The following GLIS3 variants were observed in gnomAD, a reference collection of about 807,000 sequenced individuals.
GLIS3 encodes zinc finger protein GLIS3.
A neutral mutation model predicts 78.6 loss-of-function variants in GLIS3; 53 were observed. The observed-to-expected ratio is 0.67, with a 90% CI of 0.54 to 0.85. The LOEUF is 0.85. Among genes scored for constraint, GLIS3 ranks in the 40% least tolerant of loss-of-function variants. The pLI is 0.00. For missense variants in GLIS3, 1,703 were observed against 1,231.1 expected (o/e 1.38, Z -5.74); for synonymous variants, 684 against 509.9 (o/e 1.34, Z -4.60).
intron 4 of GLIS3, among the ~76,000 whole-genome samples, chr9:3,993,965 C>G (rs764013842): frequency 6.6e-6 from 1 of 152,160 alleles, no homozygotes; most frequent in African/African-American, 2.4e-5. Flanking sequence ...CAGGAGCAGT[C>G]ATTTCTAACC....
At chr9:4,328,497 C>T (rs749771796) in intron 2 of GLIS3, among the ~76,000 whole-genome samples, 2 of 152,206 alleles carry the variant, frequency 1.3e-5, no homozygotes, top group Admixed American at 6.5e-5. Context: ...TGTGGCTCTG[C>T]CCTAAACCAT....
intron 4 of GLIS3, among the ~76,000 whole-genome samples, chr9:4,049,711 TA>T (rs1381234958): frequency 6.6e-6 from 1 of 152,138 alleles, no homozygotes; most frequent in East Asian, 1.9e-4. Context: ...GACAAAGGAC[TA>T]ATATCCAGAA....
intron 8 of GLIS3, among the ~76,000 whole-genome samples, chr9:3,869,264 AG>A (rs1376211443): frequency 1.2e-4 from 3 of 24,482 alleles, no homozygotes; most frequent in East Asian, 2.9e-3. Flanking sequence ...AAAATTATCT[AG>A]GGTGTGTGTG....
At chr9:4,106,791 A>T (rs985448433) in intron 4 of GLIS3, among the ~76,000 whole-genome samples, 5 of 152,170 alleles carry the variant, frequency 3.3e-5, no homozygotes, top group African/African-American at 1.2e-4. Flanking sequence ...TTCATCTATA[A>T]CCTTGCCCTT....
chr9:3,971,392 A>G (rs1325820192), intron 4 of GLIS3, among the ~76,000 whole-genome samples: 1 of 152,194 alleles, frequency 6.6e-6, no homozygotes, highest in Non-Finnish European at 1.5e-5. Context: ...TTAAAAGAAA[A>G]AGTCATTATC....
At chr9:4,338,734 G>A (rs1817791686) in intron 2 of GLIS3, among the ~76,000 whole-genome samples, 2 of 152,160 alleles carry the variant, frequency 1.3e-5, no homozygotes, top group Non-Finnish European at 2.9e-5. Flanking sequence ...CATGGGAGAA[G>A]GAGCTGCAAG....
chr9:4,215,862 T>C (rs950069544), intron 2 of GLIS3, among the ~76,000 whole-genome samples: 2 of 152,212 alleles, frequency 1.3e-5, no homozygotes, highest in Non-Finnish European at 2.9e-5. Context: ...GCACACTCAG[T>C]AGTTTTCAAT....
chr9:4,199,972 G>A (rs1262569242), intron 2 of GLIS3, among the ~76,000 whole-genome samples: 1 of 152,126 alleles, frequency 6.6e-6, no homozygotes, highest in Non-Finnish European at 1.5e-5. Context: ...TTGGACCACA[G>A]TGGAATAAAA....
chr9:4,414,478 T>C, the GLIS3 span, among the ~76,000 whole-genome samples: 1 of 152,218 alleles, frequency 6.6e-6, no homozygotes, highest in Non-Finnish European at 1.5e-5. Context: ...GTCTCAGTGA[T>C]ATTGGGGTGG....
the GLIS3 span, among the ~76,000 whole-genome samples, chr9:4,371,213 C>T: frequency 6.6e-6 from 1 of 152,248 alleles, no homozygotes; most frequent in South Asian, 2.1e-4. Flanking sequence ...AACACAATTT[C>T]CATCGGCTGA....
At chr9:3,912,389 C>T (rs1469673339) in intron 6 of GLIS3, among the ~76,000 whole-genome samples, 1 of 152,060 alleles carries the variant, frequency 6.6e-6, no homozygotes, top group Non-Finnish European at 1.5e-5. Flanking sequence ...CAGTGTTCAC[C>T]CTCTTGGAAG....
chr9:4,431,669 A>C, the GLIS3 span, among the ~76,000 whole-genome samples: 1 of 152,106 alleles, frequency 6.6e-6, no homozygotes, highest in Non-Finnish European at 1.5e-5. Context: ...ACATGGTGAA[A>C]TCCCATCTCT....
At chr9:4,076,775 G>A (rs574630961) in intron 4 of GLIS3, among the ~76,000 whole-genome samples, 1 of 152,098 alleles carries the variant, frequency 6.6e-6, no homozygotes, top group Non-Finnish European at 1.5e-5. Flanking sequence ...TAAATTTTTT[G>A]GCTGGGCACA....
intron 2 of GLIS3, among the ~76,000 whole-genome samples, chr9:4,142,258 T>C (rs987749536): frequency 1.3e-5 from 2 of 152,214 alleles, no homozygotes; most frequent in African/African-American, 4.8e-5. Flanking sequence ...ATGCTAAAGC[T>C]GAGAATAAAC....
At chr9:4,385,601 G>C in the GLIS3 span, among the ~76,000 whole-genome samples, 10 of 149,822 alleles carry the variant, frequency 6.7e-5, no homozygotes, top group East Asian at 1.8e-3. Flanking sequence ...GGAGGCAGAG[G>C]TTTCAGTGAG....
At chr9:4,203,841 T>C (rs778702992) in intron 2 of GLIS3, among the ~76,000 whole-genome samples, 3 of 152,142 alleles carry the variant, frequency 2.0e-5, no homozygotes, top group African/African-American at 7.2e-5. Flanking sequence ...TTATCCTAAG[T>C]GAATTAACAC....
intron 2 of GLIS3, among the ~76,000 whole-genome samples, chr9:4,267,595 A>G (rs908137068): frequency 6.6e-6 from 1 of 152,206 alleles, no homozygotes; most frequent in African/African-American, 2.4e-5. Context: ...TACCAAGTCT[A>G]TGTCTGGCAC....
chr9:4,264,047 A>G (rs1825763841), intron 2 of GLIS3, among the ~76,000 whole-genome samples: 1 of 152,190 alleles, frequency 6.6e-6, no homozygotes. Context: ...AGATTTGTAT[A>G]TCCAACCATG....
At chr9:4,181,438 G>C (rs1817316344) in intron 2 of GLIS3, among the ~76,000 whole-genome samples, 1 of 152,226 alleles carries the variant, frequency 6.6e-6, no homozygotes. Flanking sequence ...ATGGCATCTA[G>C]TCTGCTACTG....
Sources: allele counts gnomAD v4.1 joint callset (sites outside exome capture counted in the v4.1 genomes callset), GRCh38; gene constraint gnomAD v4.1.1; transcripts MANE v1.5; gene names NCBI Gene and HGNC (gene_info 2026-07-23, HGNC 2026-07-21).